ZC3H3: variants seen among roughly 807,000 people sequenced by gnomAD.
ZC3H3 encodes the protein zinc finger CCCH-type containing 3.
ZC3H3 carries 36 observed loss-of-function variants against 77.3 expected under a neutral mutation model. The ratio of observed to expected loss-of-function variants is 0.47; its 90% CI spans 0.36 to 0.61. ZC3H3 has a LOEUF of 0.61. Ranked by LOEUF, ZC3H3 falls within the 20% of genes least tolerant of loss-of-function variation. The pLI is 0.00. For missense variants in ZC3H3, 1,331 were observed against 1,312.2 expected (o/e 1.01, Z -0.22); for synonymous variants, 626 against 555.2 (o/e 1.13, Z -1.79).
intron 4 of ZC3H3, among the ~76,000 whole-genome samples, chr8:143,505,708 C>G (rs975712801): frequency 3.1e-4 from 47 of 152,218 alleles, no homozygotes; most frequent in African/African-American, 1.0e-3. Context: ...ACATGTGCAT[C>G]CTGGGGCGGA....
intron 3 of ZC3H3, among the ~76,000 whole-genome samples, chr8:143,526,563 C>T (rs978042838): frequency 2.6e-5 from 4 of 152,204 alleles, no homozygotes; most frequent in Non-Finnish European, 5.9e-5. Context: ...TGGACTCTGA[C>T]CACACCCAGC....
chr8:143,441,223 C>A, intron 9 of ZC3H3, 103 bp from the exon 10 acceptor site: 1 of 1,215,132 alleles, frequency 8.2e-7, no homozygotes, highest in East Asian at 3.2e-5. Context: ...ACCCACGGGG[C>A]CCCATAGGCT....
intron 8 of ZC3H3, among the ~76,000 whole-genome samples, chr8:143,467,119 G>C (rs904029350): frequency 1.3e-5 from 2 of 152,126 alleles, no homozygotes; most frequent in Non-Finnish European, 2.9e-5. Flanking sequence ...GCTGGGGGCC[G>C]TTTGGGGCTG....
chr8:143,492,611 C>A (rs1821238883), intron 4 of ZC3H3, among the ~76,000 whole-genome samples: 1 of 151,936 alleles, frequency 6.6e-6, no homozygotes, highest in Non-Finnish European at 1.5e-5. Flanking sequence ...CCTCACCTCG[C>A]ACCCACACCT....
Position 143,468,664 on chromosome 8 carries a change from G to C in ZC3H3, c.1904-5C>G, listed in dbSNP as rs375095721. The C allele has an allele frequency of 4.5e-6, 7 of 1,549,170 alleles. No homozygotes were observed. Among genetic ancestry groups the C allele is most frequent in the Non-Finnish European group, 6.1e-6 (7 of 1,146,806 alleles). The stretch of plus-strand genomic sequence containing the variant: ...TGCCTGCAGGATCCAGCCGGCCTGT[G>C]GGGGAGAGAGGCACGGGTCATAGCA... On this transcript the variant is annotated splice_region_variant and splice_polypyrimidine_tract_variant and intron_variant, in intron 5 of 11. Coordinates refer to ENST00000262577, the MANE Select transcript of ZC3H3 (RefSeq NM_015117.3).
intron 11 of ZC3H3, 59 bp from the exon 12 acceptor site, chr8:143,438,146 T>C (rs1223498206): frequency 9.5e-6 from 15 of 1,573,110 alleles, no homozygotes; most frequent in African/African-American, 6.7e-5. Flanking sequence ...CTCCCCAGCC[T>C]GCAAAGCTCC....
intron 9 of ZC3H3, among the ~76,000 whole-genome samples, chr8:143,455,668 G>A (rs1438892823): frequency 2.6e-5 from 4 of 152,172 alleles, no homozygotes; most frequent in East Asian, 3.9e-4. Context: ...TGTGATAAAC[G>A]TTTAGTTAAG....
chr8:143,459,456 G>A (rs1820201052), intron 9 of ZC3H3, among the ~76,000 whole-genome samples: 3 of 151,900 alleles, frequency 2.0e-5, no homozygotes, highest in Admixed American at 2.0e-4. Context: ...GGCTGAGGCA[G>A]GAGAATTGCT....
At chr8:143,470,270 C>T (rs913949028) in intron 5 of ZC3H3, among the ~76,000 whole-genome samples, 1 of 152,234 alleles carries the variant, frequency 6.6e-6, no homozygotes, top group African/African-American at 2.4e-5. Flanking sequence ...AGCTCCAGAG[C>T]TGAGTGGCCA....
chr8:143,496,280 C>T, intron 4 of ZC3H3, among the ~76,000 whole-genome samples: 1 of 152,210 alleles, frequency 6.6e-6, no homozygotes, highest in East Asian at 1.9e-4. Context: ...GACCTTAGCA[C>T]CACTGACACC....
At chr8:143,531,270 T>C (rs1822596728) in intron 3 of ZC3H3, among the ~76,000 whole-genome samples, 1 of 152,034 alleles carries the variant, frequency 6.6e-6, no homozygotes, top group Admixed American at 6.5e-5. Flanking sequence ...GTGTCTCACA[T>C]CCTCATCCCC....
At position 143,532,081 on chromosome 8, in the gene ZC3H3, T is replaced by C. The variant is rs753578; in HGVS notation, c.1561+4176A>G. ...GCCGTAGCCTTTTGGTTATTTAAAATAATCCAATTTGCAAGGATAATTATG... is the reference window on the plus strand; with the variant it reads ...GCCGTAGCCTTTTGGTTATTTAAAACAATCCAATTTGCAAGGATAATTATG... On this transcript the variant is annotated intron_variant, in intron 3 of 11. Transcript: ENST00000262577. Among the ~76,000 whole-genome samples the C allele has an allele frequency of 3.8e-3, 572 of 152,388 alleles. 12 individuals are homozygous for C. The highest frequency in any genetic ancestry group is 0.032 in the Admixed American group (489 of 15,308).
chr8:143,471,779 C>A (rs1820572692), intron 5 of ZC3H3, among the ~76,000 whole-genome samples: 1 of 152,220 alleles, frequency 6.6e-6, no homozygotes, highest in East Asian at 1.9e-4. Flanking sequence ...AAGAAGGCTG[C>A]TGCACTTTCT....
rs531259424 is a variant in ZC3H3 at position 143,494,552 on chromosome 8, G to A, written c.1715+13194C>T. 2.6e-5 allele frequency among the ~76,000 whole-genome samples: 4 copies of A among 152,302 alleles called. No homozygotes were observed. Among genetic ancestry groups the A allele is most frequent in the African/African-American group, 9.6e-5 (4 of 41,576 alleles). On this transcript the variant is annotated intron_variant, in intron 4 of 11. Transcript: ENST00000262577. This position sits in a 1 kb window ranked among gnomAD's most constrained non-coding sequence, Gnocchi z 5.3. ...GCAGGTCAGGGCCTCAGAGCACAGC[G>A]GCGCCGGCAGAACCCAGAGCGAGGG...
intron 3 of ZC3H3, among the ~76,000 whole-genome samples, chr8:143,524,701 G>A (rs920928394): frequency 1.3e-5 from 2 of 152,276 alleles, no homozygotes; most frequent in Non-Finnish European, 2.9e-5. Flanking sequence ...AAAGGGGAGT[G>A]AGCTGCGCTG....
chr8:143,538,615 G>T lies in ZC3H3; in HGVS notation c.752C>A (p.Ser251Tyr), dbSNP rs189845798. ...GAGCTGTGGAGCACAGCTGGCCACG[G>T]AATGAGAACCCAGCTTCCGGCCCAG... Reference protein sequence around the residue: ...VALGRKLGSHSVASCAPQLLG... With the variant: ...VALGRKLGSHYVASCAPQLLG... Residue 251 changes from serine (S) to tyrosine (Y), a missense_variant, in exon 2 of 12, where the codon TCC becomes TAC. Physicochemically the swap from Ser to Tyr is moderately radical, Grantham distance 144 (BLOSUM62 -2). Transcript: ENST00000262577. 3.1e-6 allele frequency: 5 copies of T among 1,609,558 alleles called. No homozygotes were observed. Among genetic ancestry groups the T allele is most frequent in the Middle Eastern group, 3.3e-4 (2 of 6,062 alleles).
intron 9 of ZC3H3, among the ~76,000 whole-genome samples, chr8:143,450,000 A>G (rs761901624): frequency 1.7e-4 from 26 of 152,242 alleles, no homozygotes; most frequent in Middle Eastern, 6.8e-3. Context: ...AGAAAGTTCA[A>G]AACTCTCCTC....
chr8:143,459,174 A>G (rs990318396), intron 9 of ZC3H3, among the ~76,000 whole-genome samples: 1 of 152,090 alleles, frequency 6.6e-6, no homozygotes, highest in South Asian at 2.1e-4. Flanking sequence ...AAGACACTAA[A>G]AGAAAACTAC....
At chr8:143,509,220 G>A (rs551862075) in intron 3 of ZC3H3, among the ~76,000 whole-genome samples, 4 of 152,320 alleles carry the variant, frequency 2.6e-5, no homozygotes, top group South Asian at 2.1e-4. Context: ...AGAGTCTGCC[G>A]ATTGTATTTT....
Sources: gnomAD v4.1 joint callset for allele counts (sites outside exome capture counted in the v4.1 genomes callset) on GRCh38, gnomAD v4.1.1 for gene constraint, Gnocchi (gnomAD v3.1) non-coding constraint, MANE v1.5 for transcripts, NCBI Gene and HGNC (gene_info 2026-07-23, HGNC 2026-07-21) for gene names.